ZNF292: variants seen among roughly 807,000 people sequenced by gnomAD.
ZNF292 encodes zinc finger protein 292.
Under a neutral mutation model 217.9 loss-of-function variants are expected in ZNF292, and 26 were observed. The ratio of observed to expected loss-of-function variants is 0.12; its 90% CI spans 0.09 to 0.17. The LOEUF (loss-of-function observed/expected upper bound fraction) is 0.17, where lower values mean the gene tolerates loss of function less well. Ranked by LOEUF, ZNF292 falls within the 10% of genes least tolerant of loss-of-function variation. ZNF292 has a pLI of 1.00. For missense variants in ZNF292, 2,904 were observed against 3,175.2 expected (o/e 0.91, Z 2.05); for synonymous variants, 1,257 against 1,124.1 (o/e 1.12, Z -2.37).
chr6:87,209,231 A>C (rs1487634202), intron 1 of ZNF292, among the ~76,000 whole-genome samples: 1 of 151,844 alleles, frequency 6.6e-6, no homozygotes, highest in African/African-American at 2.4e-5. Flanking sequence ...AAGCCTATTT[A>C]GGAGTCACTT....
rs1055474710 is a variant in ZNF292 at position 87,262,621 on chromosome 6, A to T, written c.*820A>T. On this transcript the variant is annotated 3_prime_UTR_variant, in exon 8 of 8. Coordinates refer to ENST00000369577, the MANE Select transcript of ZNF292 (RefSeq NM_015021.3). ...TTGAAGATTTTAAACATTTGGTATT[A>T]AAAAAAAATCCTTTGTGAATGTGAT... The T allele has an allele frequency of 1.3e-5, 2 of 150,640 alleles. No individual in the cohort carries two copies. Among genetic ancestry groups the T allele is most frequent in the African/African-American group, 4.9e-5 (2 of 40,530 alleles). 9.3% of individuals were successfully genotyped at this position (150,640 alleles called of 1,614,324 possible).
intron 5 of ZNF292, among the ~76,000 whole-genome samples, chr6:87,240,187 C>G (rs544312450): frequency 1.1e-4 from 17 of 152,176 alleles, no homozygotes; most frequent in Middle Eastern, 6.8e-3. Flanking sequence ...CCGTCTCCAC[C>G]AAAAAAATAT....
intron 4 of ZNF292, chr6:87,223,816 T>C (rs1773211428): frequency 6.6e-6 from 1 of 152,244 alleles, no homozygotes; most frequent in Non-Finnish European, 1.5e-5. Context: ...TGCTCCAGGC[T>C]CATCTGGCGT....
chr6:87,252,951 A>G (rs1775006484), intron 7 of ZNF292, among the ~76,000 whole-genome samples: 1 of 152,068 alleles, frequency 6.6e-6, no homozygotes. Context: ...TCTGTTGCCC[A>G]GGCTGGAGTG....
At chr6:87,175,110 G>A (rs1372091649) in intron 1 of ZNF292, among the ~76,000 whole-genome samples, 2 of 152,056 alleles carry the variant, frequency 1.3e-5, no homozygotes, top group African/African-American at 2.4e-5. Context: ...GCCTATGGAC[G>A]AGTACATGTC....
In ZNF292 at chr6:87,220,854, G is replaced by T. The variant is rs527258110; in HGVS notation, c.538+2123G>T. The stretch of plus-strand genomic sequence containing the variant: ...GAGTTTTCTGCAAAGTAGATGGATT[G>T]TAGGTAGCCAAACTAATACAATACA... On this transcript the variant is annotated intron_variant, in intron 4 of 7. Transcript: ENST00000369577. Among the ~76,000 whole-genome samples, 62 of 152,266 alleles carry T rather than the reference G, an allele frequency of 4.1e-4. 1 individual carries two copies. The highest frequency in any genetic ancestry group is 1.4e-3 in the African/African-American group (58 of 41,538).
chr6:87,228,976 ATTGTG>A (rs1350988880), intron 4 of ZNF292, among the ~76,000 whole-genome samples: 1 of 152,040 alleles, frequency 6.6e-6, no homozygotes, highest in African/African-American at 2.4e-5. Context: ...TTTCATAGAG[ATTGTG>A]TTAAGTCTAT....
chr6:87,240,325 A>G (rs1163150742), intron 5 of ZNF292, among the ~76,000 whole-genome samples: 2 of 141,364 alleles, frequency 1.4e-5, no homozygotes, highest in East Asian at 4.7e-4. Context: ...TCAGCTCGGC[A>G]TCAGAGGGAG....
At chr6:87,186,813 G>A (rs1159265170) in intron 1 of ZNF292, among the ~76,000 whole-genome samples, 1 of 152,220 alleles carries the variant, frequency 6.6e-6, no homozygotes, top group African/African-American at 2.4e-5. Flanking sequence ...CTCCAAAGAG[G>A]CAAGCCTCTC....
At chr6:87,160,489 ATATGTG>A (rs1446752942) in intron 1 of ZNF292, among the ~76,000 whole-genome samples, 1,033 of 98,770 alleles carry the variant, frequency 0.01, 17 homozygotes, top group African/African-American at 0.027. Context: ...GTTTGTATAT[ATATGTG>A]TGTGTGTGTG....
At chr6:87,249,360 C>T (rs1774776599) in intron 7 of ZNF292, 1 of 432,118 alleles carries the variant, frequency 2.3e-6, no homozygotes, top group Non-Finnish European at 4.6e-6. Context: ...CTCCTGGGCT[C>T]AAGTAATTCT....
In ZNF292 at chr6:87,257,847, C is replaced by G. The variant is rs373518922; in HGVS notation, c.4218C>G (p.Ala1406=). 20 of 1,613,700 alleles carry G rather than the reference C, an allele frequency of 1.2e-5. No homozygotes were observed. In the African/African-American group the frequency reaches 2.5e-4, roughly 20 times the overall value. The part of the protein sequence containing the change: ...KRSYCKPLDG[A]EIAQELLQSN... The stretch of plus-strand genomic sequence containing the variant: ...CTTACTGTAAACCACTGGATGGAGC[C>G]GAAATTGCTCAAGAACTTCTACAGA... Residue 1406 remains alanine, a synonymous_variant, in exon 8 of 8, where the codon GCC becomes GCG. Coordinates refer to ENST00000369577, the MANE Select transcript of ZNF292 (RefSeq NM_015021.3).
At chr6:87,242,707 T>C (rs1194323602) in intron 5 of ZNF292, among the ~76,000 whole-genome samples, 1 of 152,222 alleles carries the variant, frequency 6.6e-6, no homozygotes, top group Non-Finnish European at 1.5e-5. Flanking sequence ...CCTTGTCTTA[T>C]AGCAGATGCT....
chr6:87,260,980 T>G lies in ZNF292; in HGVS notation c.7351T>G (p.Ser2451Ala). ...AGGTGCTAAGAATGATGTGAAAGAT[T>G]CTGACACGTGTGTATCAGAGAGCAA... ...QEGAKNDVKD[S>A]DTCVSESNDN... The change falls in exon 8 of 8, where the codon TCT becomes GCT. Residue 2451 changes from serine (S) to alanine (A), a missense_variant. This residue lies in a region of ZNF292 where 380 missense variants were observed against 355.3 expected (regional missense o/e 1.07). Coordinates refer to ENST00000369577, the MANE Select transcript of ZNF292 (RefSeq NM_015021.3). 6.2e-7 allele frequency: 1 copy of G among 1,608,828 alleles called. No homozygotes were observed. The highest frequency in any genetic ancestry group is 2.2e-5 in the East Asian group (1 of 44,738).
intron 4 of ZNF292, among the ~76,000 whole-genome samples, chr6:87,230,314 C>T (rs967097449): frequency 9.2e-5 from 14 of 152,062 alleles, no homozygotes; most frequent in African/African-American, 3.4e-4. Flanking sequence ...GAATCTAGGA[C>T]CTAGTGTAAC....
intron 1 of ZNF292, among the ~76,000 whole-genome samples, chr6:87,214,042 C>T (rs909518522): frequency 6.6e-6 from 1 of 152,158 alleles, no homozygotes; most frequent in Admixed American, 6.5e-5. Context: ...TTTGGGGTAT[C>T]AGTTTCTGAG....
chr6:87,235,037 A>T (rs1773835011), intron 5 of ZNF292, among the ~76,000 whole-genome samples: 1 of 152,204 alleles, frequency 6.6e-6, no homozygotes, highest in Non-Finnish European at 1.5e-5. Context: ...GTAGCCTAGG[A>T]TACTATATCA....
chr6:87,199,977 CTG>C (rs1772060444), intron 1 of ZNF292, among the ~76,000 whole-genome samples: 1 of 152,176 alleles, frequency 6.6e-6, no homozygotes, highest in Admixed American at 6.5e-5. Context: ...ACACAGTAGA[CTG>C]TGGCAGCCTT....
At position 87,257,818 on chromosome 6, in the gene ZNF292, C is replaced by A; in HGVS notation, c.4189C>A (p.Arg1397=). The part of the protein sequence containing the change: ...PRSLGGHLSK[R]SYCKPLDGAE... ...ATCACTGGGTGGGCACTTATCCAAGCGATCTTACTGTAAACCACTGGATGG... is the reference window on the plus strand; with the variant it reads ...ATCACTGGGTGGGCACTTATCCAAGAGATCTTACTGTAAACCACTGGATGG... The change falls in exon 8 of 8, where the codon CGA becomes AGA. Residue 1397 remains arginine, a synonymous_variant. Transcript: ENST00000369577. 5 of 1,613,802 alleles carry A rather than the reference C, an allele frequency of 3.1e-6. No homozygotes were observed. The highest frequency in any genetic ancestry group is 1.3e-5 in the African/African-American group (1 of 75,012).
Sources: allele counts gnomAD v4.1 joint callset (sites outside exome capture counted in the v4.1 genomes callset), GRCh38; gene constraint gnomAD v4.1.1; regional missense constraint gnomAD v4.1.1; transcripts MANE v1.5; gene names NCBI Gene and HGNC (gene_info 2026-07-23, HGNC 2026-07-21).